The following DNAH17 variants were observed in gnomAD, a reference collection of about 807,000 sequenced individuals.
DNAH17 encodes the protein dynein axonemal heavy chain 17.
A neutral mutation model predicts 485.6 loss-of-function variants in DNAH17; 376 were observed. The observed-to-expected ratio is 0.77, with a 90% CI of 0.71 to 0.84. The LOEUF is 0.84. Among genes scored for constraint, DNAH17 ranks in the 40% least tolerant of loss-of-function variants. The pLI is 0.00. For missense variants in DNAH17, 6,370 were observed against 5,839.3 expected (o/e 1.09, Z -2.96); for synonymous variants, 3,031 against 2,405.9 (o/e 1.26, Z -7.60).
intron 19 of DNAH17, among the ~76,000 whole-genome samples, chr17:78,536,425 G>A (rs531741527): frequency 3.1e-3 from 477 of 152,160 alleles, no homozygotes; most frequent in Non-Finnish European, 5.8e-3. Flanking sequence ...ACTCCAGCCT[G>A]GGCAACAGAG....
rs374319702 is a variant in DNAH17, at chr17:78,552,621, T to G, written c.2287+76A>C. ...CAGGAGGCAGAAGTGACCACTCTAG[T>G]GGTGTTTGAGGACAGATGCTGGGCA... is the stretch of plus-strand genomic sequence containing the variant. On this transcript the variant is annotated intron_variant, in intron 15 of 80. Transcript: ENST00000389840. 3.1e-5 allele frequency: 32 copies of G among 1,026,190 alleles called. No homozygotes were observed. The East Asian group carries it at 3.6e-4, about 11-fold the overall frequency. The allele number at this position is 1,026,190 out of a possible 1,614,324, so 63.6% of individuals were successfully genotyped here.
rs1343389048 is a variant in DNAH17, at chr17:78,507,550, G to A, written c.4492C>T (p.His1498Tyr). Reference protein sequence around the residue: ...IWFEVQRTWSHLESIFIGSED... With the variant: ...IWFEVQRTWSYLESIFIGSED... ...GAGCCGATGAAGATGCTCTCCAGGT[G>A]GCTCCAGGTTCGCTGGACCTCAAAC... Residue 1498 changes from histidine (H) to tyrosine (Y), a missense_variant, in exon 28 of 81, where the codon CAC (histidine) becomes TAC (tyrosine). Coordinates refer to ENST00000389840, the MANE Select transcript of DNAH17 (RefSeq NM_173628.4). The A allele has an allele frequency of 1.2e-6, 2 of 1,614,052 alleles. No homozygotes were observed. Among genetic ancestry groups the A allele is most frequent in the Middle Eastern group, 1.6e-4 (1 of 6,062 alleles).
At chr17:78,430,680 A>C (rs2086641085) in intron 75 of DNAH17, among the ~76,000 whole-genome samples, 1 of 147,566 alleles carries the variant, frequency 6.8e-6, no homozygotes, top group Non-Finnish European at 1.5e-5. Flanking sequence ...TCCTGGGTTC[A>C]AGCAATTCTC....
In DNAH17 at chr17:78,468,750, G is replaced by C. The variant is rs771046286; in HGVS notation, c.8645C>G (p.Pro2882Arg). 1 of 1,614,024 alleles carries C rather than the reference G, an allele frequency of 6.2e-7. No homozygotes were observed. The part of the protein sequence containing the change: ...INDLLASGEI[P>R]GLFMEDEVEN... The stretch of plus-strand genomic sequence containing the variant: ...CACCTCGTCCTCCATAAACAGCCCA[G>C]GGATCTCTCCTGAGGCCAGCAGGTC... The change falls in exon 55 of 81, where the codon CCT (proline) becomes CGT (arginine). Residue 2882 changes from proline (P) to arginine (R), a missense_variant. Pro to Arg is a moderately radical substitution (Grantham distance 103). Coordinates refer to ENST00000389840, the MANE Select transcript of DNAH17 (RefSeq NM_173628.4).
chr17:78,499,245 C>G, intron 36 of DNAH17, 133 bp from the exon 37 acceptor site: 1 of 601,216 alleles, frequency 1.7e-6, no homozygotes, highest in Non-Finnish European at 2.8e-6. Flanking sequence ...TGCATTGGAG[C>G]CTTCCGCAGG....
intron 13 of DNAH17, among the ~76,000 whole-genome samples, chr17:78,559,555 A>C (rs555944147): frequency 6.6e-6 from 1 of 152,146 alleles, no homozygotes. Flanking sequence ...CCCAGCTGTC[A>C]TCTCTTGCCT....
chr17:78,450,092 C>T (rs2146490428), intron 68 of DNAH17, 162 bp downstream of exon 68: 3 of 839,778 alleles, frequency 3.6e-6, no homozygotes, highest in Non-Finnish European at 5.5e-6. Context: ...ATGGGGGCCC[C>T]TGGCTCCCCC....
intron 74 of DNAH17, among the ~76,000 whole-genome samples, chr17:78,434,644 G>C (rs1274971602): frequency 2.7e-5 from 4 of 150,416 alleles, no homozygotes; most frequent in Non-Finnish European, 5.9e-5. Context: ...GGATGGGATA[G>C]AGGATGGGGG....
rs556700194 is a variant in DNAH17 at position 78,513,159 on chromosome 17, C to A, written c.4113+1615G>T. 7.2e-5 allele frequency among the ~76,000 whole-genome samples: 11 copies of A among 152,030 alleles called. 1 individual carries two copies. The South Asian group carries it at 2.3e-3, about 32-fold the overall frequency. On this transcript the variant is annotated intron_variant, in intron 26 of 80. Transcript: ENST00000389840. ...CCGGAAAAATGAGTTCAGGCCATGACGGGAAGGAGGCTGGGGGACAGGCCT... is the reference window on the plus strand; with the variant it reads ...CCGGAAAAATGAGTTCAGGCCATGAAGGGAAGGAGGCTGGGGGACAGGCCT...
At chr17:78,572,493 C>T (rs1345024583) in intron 3 of DNAH17, among the ~76,000 whole-genome samples, 1 of 152,102 alleles carries the variant, frequency 6.6e-6, no homozygotes, top group African/African-American at 2.4e-5. Context: ...GCTGCAGAGC[C>T]TGCTCCCTCC....
intron 48 of DNAH17, among the ~76,000 whole-genome samples, chr17:78,484,275 C>T (rs1247412051): frequency 1.3e-5 from 2 of 152,110 alleles, no homozygotes; most frequent in South Asian, 4.2e-4. Flanking sequence ...CTGCCTCTGG[C>T]TCTCACATCC....
At chr17:78,434,250 A>G (rs766145914) in intron 74 of DNAH17, 30 bp from the exon 75 acceptor site, 1 of 1,572,192 alleles carries the variant, frequency 6.4e-7, no homozygotes, top group South Asian at 1.1e-5. Flanking sequence ...GTCAGGTATT[A>G]GGGAGAGGGA....
chr17:78,478,672 TACC>T lies in DNAH17; in HGVS notation c.7992+350_7992+352del, dbSNP rs199717799. Among the ~76,000 whole-genome samples, 169 of 132,276 alleles carry T rather than the reference TACC, an allele frequency of 1.3e-3. 1 individual carries two copies. In the East Asian group the frequency reaches 0.025, roughly 19 times the overall value. 86.8% of individuals were successfully genotyped at this position (132,276 alleles called of 152,430 possible). Reference sequence around the variant, plus strand: ...CCATCACCACCATCACTACCATCACTACCACCATCATCACAATTATTACCATCA... The same window carrying T: ...CCATCACCACCATCACTACCATCACTACCATCATCACAATTATTACCATCA... On this transcript the variant is annotated intron_variant, in intron 51 of 80. Transcript: ENST00000389840.
chr17:78,512,974 G>C (rs1409687825), intron 26 of DNAH17, among the ~76,000 whole-genome samples: 2 of 149,466 alleles, frequency 1.3e-5, no homozygotes, highest in Non-Finnish European at 3.0e-5. Context: ...AGAATTAATG[G>C]AGACAGCTTC....
At chr17:78,445,781 T>C in intron 69 of DNAH17, 101 bp from the exon 70 acceptor site, 1 of 1,351,832 alleles carries the variant, frequency 7.4e-7, no homozygotes, top group Non-Finnish European at 1.0e-6. Flanking sequence ...ACTCCCGGCC[T>C]GCAGGGGGCG....
At chr17:78,500,617 T>G in intron 35 of DNAH17, 156 bp from the exon 36 acceptor site, 1 of 660,250 alleles carries the variant, frequency 1.5e-6, no homozygotes, top group Non-Finnish European at 2.3e-6. Context: ...CAAATGATTC[T>G]CATGCCTCAG....
rs911730049 is a variant in DNAH17, at chr17:78,427,219, G to A, written c.12589-111C>T. ...CCCAGCCCCAAGTCCTGGAGAGGAG[G>A]GAAGAGGCAAGTAGAGTTGCCAGAA... is the stretch of plus-strand genomic sequence containing the variant. On this transcript the variant is annotated intron_variant, in intron 77 of 80. Transcript: ENST00000389840. The A allele has an allele frequency of 1.1e-5, 13 of 1,134,374 alleles. No homozygotes were observed. The Admixed American group carries it at 2.3e-4, about 20-fold the overall frequency. The allele number at this position is 1,134,374 out of a possible 1,614,324, so 70.3% of individuals were successfully genotyped here.
chr17:78,561,643 T>A, intron 12 of DNAH17, 72 bp downstream of exon 12: 3 of 1,492,990 alleles, frequency 2.0e-6, no homozygotes, highest in Non-Finnish European at 2.7e-6. Flanking sequence ...CCGCTCGGGG[T>A]TGGGACAGTC....
chr17:78,444,202 G>A (rs989836438), intron 71 of DNAH17, among the ~76,000 whole-genome samples: 1 of 152,138 alleles, frequency 6.6e-6, no homozygotes, highest in Non-Finnish European at 1.5e-5. Flanking sequence ...CATTTGTATG[G>A]CCTCAGTGCT....
Sources: gnomAD v4.1 joint callset for allele counts (sites outside exome capture counted in the v4.1 genomes callset) on GRCh38, gnomAD v4.1.1 for gene constraint, MANE v1.5 for transcripts, NCBI Gene and HGNC (gene_info 2026-07-23, HGNC 2026-07-21) for gene names.